PDE4D: variants seen among roughly 807,000 people sequenced by gnomAD.
The protein encoded by PDE4D is phosphodiesterase 4D.
Under a neutral mutation model 87.4 loss-of-function variants are expected in PDE4D, and 24 were observed. The ratio of observed to expected loss-of-function variants is 0.27; its 90% CI spans 0.20 to 0.39. The LOEUF (loss-of-function observed/expected upper bound fraction) is 0.39. PDE4D is among the 10% of genes least tolerant of loss of function. PDE4D has a pLI of 1.00. For synonymous variants in PDE4D, 384 were observed against 383.2 expected (o/e 1.00, Z -0.02); for missense variants, 714 against 1,041.0 (o/e 0.69, Z 4.32).
rs149761423 is a variant in PDE4D at position 60,126,072 on chromosome 5, T to C, written c.42+59485A>G. Among the ~76,000 whole-genome samples, 349 of 152,234 alleles carry C rather than the reference T, an allele frequency of 2.3e-3. 3 individuals carry two copies. Among genetic ancestry groups the C allele is most frequent in the Non-Finnish European group, 4.2e-3 (286 of 68,002 alleles). Reference sequence around the variant, plus strand: ...GCGTTTGACTATGATTTTACCTCCATTAGCTTCAGAAGATTTGGTGCTCAA... The same window carrying C: ...GCGTTTGACTATGATTTTACCTCCACTAGCTTCAGAAGATTTGGTGCTCAA... On this transcript the variant is annotated intron_variant, in intron 2 of 16. Transcript: ENST00000502484.
chr5:59,228,784 A>G (rs1165643998), intron 1 of PDE4D, among the ~76,000 whole-genome samples: 1 of 152,006 alleles, frequency 6.6e-6, no homozygotes, highest in Non-Finnish European at 1.5e-5. Context: ...CTCTAATCTC[A>G]TCTTTACCTA....
intron 1 of PDE4D, among the ~76,000 whole-genome samples, chr5:60,511,092 C>T (rs928255713): frequency 6.6e-6 from 1 of 152,134 alleles, no homozygotes; most frequent in Admixed American, 6.5e-5. Context: ...GCCTCAACCT[C>T]CCAAGTAGCT....
intron 2 of PDE4D, among the ~76,000 whole-genome samples, chr5:59,206,816 C>T (rs1267002851): frequency 3.9e-5 from 6 of 152,114 alleles, no homozygotes; most frequent in South Asian, 2.1e-4. Flanking sequence ...GTGGAAAACA[C>T]GTATTGGTCA....
chr5:59,605,888 G>A (rs1340882962), intron 1 of PDE4D, among the ~76,000 whole-genome samples: 1 of 151,788 alleles, frequency 6.6e-6, no homozygotes, highest in Non-Finnish European at 1.5e-5. Context: ...CATCTAAACG[G>A]GAAACTCATT....
chr5:60,452,652 A>T (rs552724226), intron 1 of PDE4D, among the ~76,000 whole-genome samples: 153 of 152,266 alleles, frequency 1.0e-3, no homozygotes, highest in Non-Finnish European at 1.9e-3. Flanking sequence ...ATGAGGATTT[A>T]AAAAATGCAA....
rs1486282217 is a variant in PDE4D, at chr5:59,722,051, TACTC to T, written c.455+171113_455+171116del. 4.6e-5 allele frequency among the ~76,000 whole-genome samples: 7 copies of T among 152,274 alleles called. No individual in the cohort carries two copies. In the South Asian group the frequency reaches 1.0e-3, roughly 23 times the overall value. On this transcript the variant is annotated intron_variant, in intron 1 of 14. Coordinates refer to ENST00000340635, the MANE Select transcript of PDE4D (RefSeq NM_001104631.2). ...TCACAATCTTTGTTCCCCAAATACT[TACTC>T]CCTTTTGGATAACAAAACAGCAGAA...
chr5:60,217,525 C>T (rs187235348), intron 1 of PDE4D, among the ~76,000 whole-genome samples: 274 of 151,628 alleles, frequency 1.8e-3, no homozygotes, highest in African/African-American at 6.0e-3. Context: ...TAAAACACAA[C>T]GCAAAAAGCA....
intron 7 of PDE4D, among the ~76,000 whole-genome samples, chr5:58,992,990 C>T (rs1186952590): frequency 4.6e-5 from 7 of 152,098 alleles, no homozygotes; most frequent in African/African-American, 1.7e-4. Flanking sequence ...GTAAATTCAT[C>T]GAGGGCAGGA....
chr5:59,464,625 T>C (rs898129234), intron 1 of PDE4D, among the ~76,000 whole-genome samples: 3 of 152,168 alleles, frequency 2.0e-5, no homozygotes, highest in African/African-American at 7.2e-5. Context: ...CTCCATACGC[T>C]GAACGCTGGT....
chr5:59,068,353 G>T (rs1423949026), intron 5 of PDE4D, among the ~76,000 whole-genome samples: 1 of 152,102 alleles, frequency 6.6e-6, no homozygotes, highest in Non-Finnish European at 1.5e-5. Flanking sequence ...TTAGGGGCTA[G>T]ATCTGAGGTT....
At chr5:60,282,937 T>C (rs1562286207) in intron 1 of PDE4D, among the ~76,000 whole-genome samples, 1 of 152,226 alleles carries the variant, frequency 6.6e-6, no homozygotes. Context: ...GTCTAAAATA[T>C]ACTTTATACT....
chr5:60,140,667 A>G (rs903826965), intron 2 of PDE4D, among the ~76,000 whole-genome samples: 7 of 152,140 alleles, frequency 4.6e-5, no homozygotes, highest in Non-Finnish European at 8.8e-5. Flanking sequence ...AAAGTATTTA[A>G]CGCATCATGA....
chr5:59,826,236 G>A (rs982518125), intron 1 of PDE4D, among the ~76,000 whole-genome samples: 2 of 152,060 alleles, frequency 1.3e-5, no homozygotes, highest in African/African-American at 4.8e-5. Flanking sequence ...CCAAGAACTC[G>A]AGTAATAATT....
chr5:59,989,343 T>C (rs1346159654), intron 2 of PDE4D, among the ~76,000 whole-genome samples: 2 of 151,900 alleles, frequency 1.3e-5, no homozygotes, highest in African/African-American at 4.8e-5. Flanking sequence ...ATTATAATCT[T>C]ATGGCCACCA....
intron 2 of PDE4D, among the ~76,000 whole-genome samples, chr5:60,119,481 C>A (rs1393581749): frequency 6.6e-6 from 1 of 152,212 alleles, no homozygotes; most frequent in Non-Finnish European, 1.5e-5. Flanking sequence ...TACAGGCTTT[C>A]ACCTTGTTGG....
chr5:59,248,965 A>G (rs1481798988), intron 1 of PDE4D, among the ~76,000 whole-genome samples: 1 of 152,158 alleles, frequency 6.6e-6, no homozygotes, highest in Non-Finnish European at 1.5e-5. Context: ...TTATTAAAGC[A>G]AAGAAAGAAG....
intron 1 of PDE4D, among the ~76,000 whole-genome samples, chr5:59,401,478 A>ATCTTTCTGTCTGTCTG (rs74715038): frequency 6.6e-6 from 1 of 150,868 alleles, no homozygotes; most frequent in Non-Finnish European, 1.5e-5. Context: ...CTATCTATCT[A>ATCTTTCTGTCTGTCTG]TCTATCTATT....
At chr5:60,437,846 T>C (rs1444622320) in intron 1 of PDE4D, among the ~76,000 whole-genome samples, 1 of 152,134 alleles carries the variant, frequency 6.6e-6, no homozygotes, top group Non-Finnish European at 1.5e-5. Context: ...TGTAGACATT[T>C]TATGTCTGGC....
At position 58,975,559 on chromosome 5, in the gene PDE4D, TAA is replaced by T; in HGVS notation, c.2013+96_2013+97del. 2.0e-6 allele frequency: 2 copies of T among 977,434 alleles called. No individual in the cohort carries two copies. The highest frequency in any genetic ancestry group is 2.8e-6 in the Non-Finnish European group (2 of 717,858). The allele number at this position is 977,434 out of a possible 1,614,324, so 60.5% of individuals were successfully genotyped here. A position where few individuals can be genotyped will look rare whatever the true frequency, so the allele number is the denominator to read the frequency against. On this transcript the variant is annotated intron_variant, in intron 14 of 14. Coordinates refer to ENST00000340635, the MANE Select transcript of PDE4D (RefSeq NM_001104631.2). This position sits in a 1 kb window ranked among gnomAD's most constrained non-coding sequence, Gnocchi z 4.2. ...GAGCTTGTCAAAAACAAAGTAATTT[TAA>T]AAATCCAGTAAAATACTATCATATG...
Sources: gnomAD v4.1 joint callset for allele counts (sites outside exome capture counted in the v4.1 genomes callset) on GRCh38, gnomAD v4.1.1 for gene constraint, Gnocchi (gnomAD v3.1) non-coding constraint, MANE v1.5 for transcripts, NCBI Gene and HGNC (gene_info 2026-07-23, HGNC 2026-07-21) for gene names.